PHC3: variants seen among roughly 807,000 people sequenced by gnomAD.
PHC3 encodes the protein polyhomeotic homolog 3, also known as polyhomeotic-like protein 3.
Under a neutral mutation model 107.4 loss-of-function variants are expected in PHC3, and 13 were observed. That is an observed-to-expected ratio of 0.12 (90% CI 0.08 to 0.19). The LOEUF (loss-of-function observed/expected upper bound fraction) is 0.19, where lower values mean the gene tolerates loss of function less well. PHC3 is among the 10% of genes least tolerant of loss of function. The pLI is 1.00. For missense variants in PHC3, 992 were observed against 1,210.9 expected (o/e 0.82, Z 2.68); for synonymous variants, 456 against 427.4 (o/e 1.07, Z -0.83).
At chr3:170,121,679 C>A (rs1720351539) in intron 9 of PHC3, among the ~76,000 whole-genome samples, 1 of 152,016 alleles carries the variant, frequency 6.6e-6, no homozygotes, top group Non-Finnish European at 1.5e-5. Flanking sequence ...TTTTTTTAAT[C>A]CATGTCTAAA....
rs1233622946 is a variant in PHC3 at position 170,090,459 on chromosome 3, CAT to C, written c.*6769_*6770del. On this transcript the variant is annotated 3_prime_UTR_variant, in exon 15 of 15. Coordinates refer to ENST00000495893, the MANE Select transcript of PHC3 (RefSeq NM_024947.4). ...ATTTAAGTACATGAATGACAATATTCATATGTGTTCATATATTCAGTGGTTAA... is the reference window on the plus strand; with the variant it reads ...ATTTAAGTACATGAATGACAATATTCATGTGTTCATATATTCAGTGGTTAA... The C allele has an allele frequency of 6.6e-6, 1 of 152,098 alleles. No homozygotes were observed. The highest frequency in any genetic ancestry group is 6.6e-5 in the Admixed American group (1 of 15,256). 9.4% of individuals were successfully genotyped at this position (152,098 alleles called of 1,614,324 possible). A position where few individuals can be genotyped will look rare whatever the true frequency, so the allele number is the denominator to read the frequency against.
intron 4 of PHC3, among the ~76,000 whole-genome samples, chr3:170,167,222 C>T (rs181425441): frequency 1.3e-3 from 204 of 152,268 alleles, no homozygotes; most frequent in African/African-American, 4.9e-3. Context: ...GATCTCAGCT[C>T]ACGGCAGCCT....
intron 4 of PHC3, among the ~76,000 whole-genome samples, chr3:170,152,438 G>A (rs1396425256): frequency 2.0e-5 from 3 of 148,004 alleles, no homozygotes; most frequent in Admixed American, 6.9e-5. Flanking sequence ...CCTCCCCCTC[G>A]GCCTTCCAAA....
intron 4 of PHC3, among the ~76,000 whole-genome samples, chr3:170,155,339 A>C (rs1726724104): frequency 1.3e-5 from 2 of 152,240 alleles, no homozygotes; most frequent in African/African-American, 4.8e-5. Flanking sequence ...GCTGAGTAAA[A>C]AGGCAGCAAA....
chr3:170,103,224 A>G (rs902281057), intron 12 of PHC3, among the ~76,000 whole-genome samples: 24 of 152,198 alleles, frequency 1.6e-4, no homozygotes, highest in African/African-American at 5.8e-4. Flanking sequence ...CTGCCTGCAA[A>G]ATACAGAGGA....
chr3:170,140,657 G>C (rs375760910), intron 6 of PHC3, among the ~76,000 whole-genome samples: 4 of 127,052 alleles, frequency 3.1e-5, no homozygotes, highest in Admixed American at 1.8e-4. Flanking sequence ...GTAGTGGTGC[G>C]ATCTCGGCTC....
intron 5 of PHC3, among the ~76,000 whole-genome samples, chr3:170,146,535 C>CT (rs373420736): frequency 0.035 from 4,289 of 123,482 alleles, 113 homozygotes; most frequent in African/African-American, 0.057. Context: ...TTTTCTTTTT[C>CT]TTTTTTTTTT....
rs1266739437 is a variant in PHC3, at chr3:170,162,008, A to G, written c.414+9365T>C. Reference sequence around the variant, plus strand: ...TTCCTGAACTTTCTCTTTGATACAGATCCAAGGATATCTGGATGAAAAGAC... The same window carrying G: ...TTCCTGAACTTTCTCTTTGATACAGGTCCAAGGATATCTGGATGAAAAGAC... On this transcript the variant is annotated intron_variant, in intron 4 of 14. Transcript: ENST00000495893. Among the ~76,000 whole-genome samples, 7 of 152,334 alleles carry G rather than the reference A, an allele frequency of 4.6e-5. No homozygotes were observed. In the East Asian group the frequency reaches 1.3e-3, roughly 29 times the overall value.
chr3:170,122,657 T>C lies in PHC3; in HGVS notation c.1876A>G (p.Thr626Ala). 6.2e-7 allele frequency: 1 copy of C among 1,613,894 alleles called. No individual in the cohort carries two copies. The highest frequency in any genetic ancestry group is 8.5e-7 in the Non-Finnish European group (1 of 1,179,824). Residue 626 changes from threonine to alanine, a missense_variant, in exon 9 of 15, where the codon ACT becomes GCT. By Grantham distance (58) the Thr-to-Ala change is moderately conservative (BLOSUM62 0). This residue lies in a region of PHC3 where 543 missense variants were observed against 590.8 expected (regional missense o/e 0.92). Coordinates refer to ENST00000495893, the MANE Select transcript of PHC3 (RefSeq NM_024947.4). ...ACTGTTATAGCTGCTGGAGACAAAG[T>C]GGGTGGTGGTGGGGTTCTATCCATC... ...VRMDRTPPPP[T>A]LSPAAITVGR...
At chr3:170,150,531 T>TTA (rs1414559632) in intron 4 of PHC3, 26 of 77,572 alleles carry the variant, frequency 3.4e-4, no homozygotes, top group Middle Eastern at 7.9e-3. Context: ...CTGTCTCTAC[T>TTA]AAAAAAAAAA....
At chr3:170,165,611 G>A (rs941324811) in intron 4 of PHC3, among the ~76,000 whole-genome samples, 2 of 151,580 alleles carry the variant, frequency 1.3e-5, no homozygotes, top group African/African-American at 2.4e-5. Context: ...AAAATTAGCC[G>A]GGCATGGTGG....
chr3:170,170,824 T>C (rs1307886113), intron 4 of PHC3: 1 of 152,344 alleles, frequency 6.6e-6, no homozygotes, highest in Admixed American at 6.5e-5. Context: ...AAATTTATTT[T>C]ACCTGGGAAA....
intron 12 of PHC3, among the ~76,000 whole-genome samples, chr3:170,106,160 C>T (rs149253695): frequency 2.0e-5 from 3 of 151,978 alleles, no homozygotes; most frequent in African/African-American, 7.3e-5. Flanking sequence ...TGCAGTGAGC[C>T]GAGACGGCAC....
chr3:170,167,935 T>C (rs549822412), intron 4 of PHC3, among the ~76,000 whole-genome samples: 1 of 151,968 alleles, frequency 6.6e-6, no homozygotes, highest in South Asian at 2.1e-4. Context: ...GGTTGGAGGA[T>C]CACTTGAGCT....
At chr3:170,159,014 G>C (rs1219185827) in intron 4 of PHC3, among the ~76,000 whole-genome samples, 1 of 151,892 alleles carries the variant, frequency 6.6e-6, no homozygotes, top group Admixed American at 6.6e-5. Flanking sequence ...CACTTTGGGA[G>C]GCCAAGGCGG....
At chr3:170,157,352 G>A (rs867870239) in intron 4 of PHC3, among the ~76,000 whole-genome samples, 6 of 152,322 alleles carry the variant, frequency 3.9e-5, no homozygotes, top group African/African-American at 1.4e-4. Context: ...GGAGGGGTAT[G>A]GAACCAACTA....
chr3:170,172,492 T>A, intron 3 of PHC3, 65 bp downstream of exon 3: 1 of 1,529,020 alleles, frequency 6.5e-7, no homozygotes, highest in Non-Finnish European at 8.9e-7. Context: ...CCAATCTATT[T>A]ATTTTCAGTA....
intron 8 of PHC3, 41 bp from the exon 9 acceptor site, chr3:170,122,785 C>T: frequency 6.3e-7 from 1 of 1,593,110 alleles, no homozygotes; most frequent in South Asian, 1.1e-5. Flanking sequence ...GTTTCCAAAA[C>T]TATATTTTAT....
At chr3:170,176,795 TAGATACTTCATTAATCTCAA>T in intron 2 of PHC3, 1 of 416,504 alleles carries the variant, frequency 2.4e-6, no homozygotes, top group East Asian at 7.1e-5. Context: ...TACACAGTTC[TAGATACTTCATTAATCTCAA>T]AGATACTTCA....
Sources: allele counts gnomAD v4.1 joint callset (sites outside exome capture counted in the v4.1 genomes callset), GRCh38; gene constraint gnomAD v4.1.1; regional missense constraint gnomAD v4.1.1; transcripts MANE v1.5; gene names NCBI Gene and HGNC (gene_info 2026-07-23, HGNC 2026-07-21).